The following SH3BGRL2 variants were observed in gnomAD, a reference collection of about 807,000 sequenced individuals.
The protein encoded by SH3BGRL2 is SH3 domain-binding glutamic acid-rich-like protein 2.
Under a neutral mutation model 14.8 loss-of-function variants are expected in SH3BGRL2, and 21 were observed. The observed-to-expected ratio is 1.42, with a 90% confidence interval of 1.01 to 2.05. The LOEUF is 2.05. Ranked by LOEUF, SH3BGRL2 falls within the 30% of genes most tolerant of loss-of-function variation. The probability of loss-of-function intolerance (pLI) is 0.00; values close to 1 mark genes in which losing one functional copy is unlikely to be tolerated. For missense variants in SH3BGRL2, 147 were observed against 130.8 expected (o/e 1.12, Z -0.61); for synonymous variants, 50 against 47.8 (o/e 1.05, Z -0.19).
the SH3BGRL2 span, among the ~76,000 whole-genome samples, chr6:79,582,815 C>T: frequency 0.042 from 6,444 of 152,156 alleles, 180 homozygotes; most frequent in Middle Eastern, 0.061. Context: ...AACTTCTGCA[C>T]GGCAAAAGAA....
In SH3BGRL2 at chr6:79,644,605, A is replaced by G. The variant is rs577223683; in HGVS notation, c.45+13099A>G. ...GGGCAGTGATGAGTAGAAAGAATGT[A>G]GACTCCAGGGGCAGGAAGACCTGGA... On this transcript the variant is annotated intron_variant, in intron 1 of 3. Transcript: ENST00000369838. Among the ~76,000 whole-genome samples, 4 of 152,320 alleles carry G rather than the reference A, an allele frequency of 2.6e-5. No homozygotes were observed. The East Asian group carries it at 7.7e-4, about 29-fold the overall frequency.
chr6:79,694,650 G>C (rs553024786), intron 2 of SH3BGRL2, among the ~76,000 whole-genome samples: 1 of 152,114 alleles, frequency 6.6e-6, no homozygotes, highest in Non-Finnish European at 1.5e-5. Flanking sequence ...ATTACATGTT[G>C]AAATTGAACT....
At chr6:79,656,102 C>G (rs991537989) in intron 1 of SH3BGRL2, among the ~76,000 whole-genome samples, 4 of 152,152 alleles carry the variant, frequency 2.6e-5, no homozygotes, top group Non-Finnish European at 4.4e-5. Context: ...TAAAGAAATT[C>G]ATTTTAGCTT....
At chr6:79,629,823 G>A (rs570057110), upstream of SH3BGRL2, among the ~76,000 whole-genome samples, 3 of 152,084 alleles carry the variant, frequency 2.0e-5, no homozygotes, top group Non-Finnish European at 4.4e-5. Context: ...GAAATGACTC[G>A]TTCAACTTTT....
intron 1 of SH3BGRL2, among the ~76,000 whole-genome samples, chr6:79,653,911 G>A (rs1484076783): frequency 6.6e-6 from 1 of 152,166 alleles, no homozygotes; most frequent in Non-Finnish European, 1.5e-5. Context: ...GGTTCTAATA[G>A]TGGTAAGAAG....
chr6:79,651,794 G>A (rs1582719668), intron 1 of SH3BGRL2, among the ~76,000 whole-genome samples: 1 of 152,148 alleles, frequency 6.6e-6, no homozygotes, highest in Non-Finnish European at 1.5e-5. Context: ...GCTAGTTTGT[G>A]GTGACCGTGG....
At chr6:79,607,517 C>T in the SH3BGRL2 span, among the ~76,000 whole-genome samples, 1 of 152,140 alleles carries the variant, frequency 6.6e-6, no homozygotes, top group Non-Finnish European at 1.5e-5. Context: ...TTAGATGTTC[C>T]AGCCTTTCTT....
the SH3BGRL2 span, among the ~76,000 whole-genome samples, chr6:79,585,921 C>T: frequency 1.4e-3 from 209 of 152,058 alleles, 1 homozygote; most frequent in Non-Finnish European, 2.4e-3. Flanking sequence ...TTTGGCCAGG[C>T]GCAGTGGCTC....
At chr6:79,631,574 G>C in intron 1 of SH3BGRL2, 68 bp downstream of exon 1, 1 of 1,259,150 alleles carries the variant, frequency 7.9e-7, no homozygotes, top group Non-Finnish European at 1.0e-6. Context: ...GGCGCGCGGC[G>C]CTCGTCACTG....
At chr6:79,691,551 T>C (rs1160386009) in intron 2 of SH3BGRL2, among the ~76,000 whole-genome samples, 1 of 138,998 alleles carries the variant, frequency 7.2e-6, no homozygotes, top group Non-Finnish European at 1.5e-5. Flanking sequence ...TTCCCCTTCC[T>C]GTGTCCATGT....
the SH3BGRL2 span, chr6:79,553,064 A>C: frequency 2.6e-5 from 4 of 152,288 alleles, no homozygotes; most frequent in Middle Eastern, 6.8e-3. Flanking sequence ...AGAGTATTCA[A>C]GTTTTAGAAT....
chr6:79,692,318 C>G (rs1248537536), intron 2 of SH3BGRL2, among the ~76,000 whole-genome samples: 5 of 152,138 alleles, frequency 3.3e-5, no homozygotes, highest in Admixed American at 2.0e-4. Context: ...CCTGTTCACT[C>G]TGATGGTAGT....
the SH3BGRL2 span, among the ~76,000 whole-genome samples, chr6:79,557,440 C>A: frequency 7.9e-5 from 12 of 151,828 alleles, no homozygotes; most frequent in East Asian, 2.1e-3. Flanking sequence ...TTGAATTTTT[C>A]AAATTATTAT....
the SH3BGRL2 span, among the ~76,000 whole-genome samples, chr6:79,547,412 C>T: frequency 3.3e-5 from 5 of 152,212 alleles, no homozygotes; most frequent in East Asian, 5.8e-4. Flanking sequence ...TAAAGCTGAG[C>T]ATTGCCCAAG....
rs141855908 is a variant in SH3BGRL2 at position 79,651,667 on chromosome 6, G to A, written c.45+20161G>A. On this transcript the variant is annotated intron_variant, in intron 1 of 3. Coordinates refer to ENST00000369838, the MANE Select transcript of SH3BGRL2 (RefSeq NM_031469.4). ...AGCTACCTGACTGAGACCCATGGGG[G>A]TGCAGATGTGATGTGCACATTGTCT... Among the ~76,000 whole-genome samples the A allele has an allele frequency of 7.6e-3, 1,157 of 152,274 alleles. 15 individuals carry two copies. Among genetic ancestry groups the A allele is most frequent in the African/African-American group, 0.026 (1,073 of 41,544 alleles).
the SH3BGRL2 span, among the ~76,000 whole-genome samples, chr6:79,572,594 G>T: frequency 2.0e-5 from 3 of 152,120 alleles, no homozygotes; most frequent in South Asian, 2.1e-4. Flanking sequence ...GGCTCCCGAG[G>T]AGCTGGGAGT....
chr6:79,646,030 G>C (rs1355396146), intron 1 of SH3BGRL2, among the ~76,000 whole-genome samples: 1 of 152,192 alleles, frequency 6.6e-6, no homozygotes, highest in Non-Finnish European at 1.5e-5. Flanking sequence ...TTTTGTGCTG[G>C]ACAACTCTTT....
intron 1 of SH3BGRL2, among the ~76,000 whole-genome samples, chr6:79,632,826 C>T (rs974727455): frequency 1.3e-5 from 2 of 152,226 alleles, no homozygotes; most frequent in African/African-American, 4.8e-5. Context: ...CATGTGTTTG[C>T]AAACTGGCAC....
chr6:79,680,656 T>C (rs1769971582), intron 2 of SH3BGRL2, among the ~76,000 whole-genome samples: 1 of 152,194 alleles, frequency 6.6e-6, no homozygotes, highest in Non-Finnish European at 1.5e-5. Context: ...AATCTGTAGA[T>C]TGCTTTGGGT....
Sources: gnomAD v4.1 joint callset for allele counts (sites outside exome capture counted in the v4.1 genomes callset) on GRCh38, gnomAD v4.1.1 for gene constraint, MANE v1.5 for transcripts, NCBI Gene and HGNC (gene_info 2026-07-23, HGNC 2026-07-21) for gene names.